Variants in GLIS3 observed in about 807,000 individuals in gnomAD.
GLIS3 encodes the protein zinc finger protein GLIS3.
In GLIS3, 53 loss-of-function variants were observed where a neutral mutation model predicts 78.6. The observed-to-expected ratio is 0.67, with a 90% confidence interval of 0.54 to 0.85. The LOEUF is 0.85. Ranked by LOEUF, GLIS3 falls within the 40% of genes least tolerant of loss-of-function variation. The probability of loss-of-function intolerance (pLI) is 0.00; values close to 1 mark genes in which losing one functional copy is unlikely to be tolerated. For missense variants in GLIS3, 1,703 were observed against 1,231.1 expected, an observed-to-expected ratio of 1.38 and a Z score of -5.74; for synonymous variants, 684 against 509.9, an observed-to-expected ratio of 1.34 and a Z score of -4.60.
chr9:4,182,624 T>G (rs1817432105), intron 2 of GLIS3, among the ~76,000 whole-genome samples: 1 of 152,206 alleles, frequency 6.6e-6, no homozygotes, highest in Non-Finnish European at 1.5e-5. Context: ...TCAATCGCAC[T>G]CACTCTTCAT....
At chr9:4,236,613 T>A (rs1372425496) in intron 2 of GLIS3, among the ~76,000 whole-genome samples, 1 of 152,172 alleles carries the variant, frequency 6.6e-6, no homozygotes, top group Non-Finnish European at 1.5e-5. Flanking sequence ...CAGTCTAATT[T>A]CCACCACATG....
chr9:4,008,173 T>C (rs1821712832), intron 4 of GLIS3, among the ~76,000 whole-genome samples: 1 of 152,222 alleles, frequency 6.6e-6, no homozygotes, highest in African/African-American at 2.4e-5. Flanking sequence ...GCCTAGTTTT[T>C]ACACAGCTCA....
At chr9:4,121,738 T>C (rs368433509) in intron 3 of GLIS3, among the ~76,000 whole-genome samples, 17 of 152,266 alleles carry the variant, frequency 1.1e-4, no homozygotes, top group African/African-American at 3.6e-4. Context: ...ACATTCTCTA[T>C]TGTTTTCTTT....
chr9:3,943,126 G>A (rs1306307314), intron 4 of GLIS3, among the ~76,000 whole-genome samples: 2 of 152,160 alleles, frequency 1.3e-5, no homozygotes, highest in Non-Finnish European at 2.9e-5. Context: ...TTGGACATAC[G>A]GGTCACCTCA....
chr9:4,262,107 T>C (rs530571222), intron 2 of GLIS3, among the ~76,000 whole-genome samples: 2 of 152,236 alleles, frequency 1.3e-5, no homozygotes, highest in African/African-American at 4.8e-5. Context: ...CTTAACCATG[T>C]GTCTGAACTA....
intron 2 of GLIS3, among the ~76,000 whole-genome samples, chr9:4,131,043 T>G (rs1215870764): frequency 6.6e-6 from 1 of 152,196 alleles, no homozygotes; most frequent in Non-Finnish European, 1.5e-5. Context: ...TTGGGAGCTT[T>G]AAGATTTAAT....
chr9:4,002,160 A>C (rs560910963), intron 4 of GLIS3, among the ~76,000 whole-genome samples: 2 of 152,340 alleles, frequency 1.3e-5, no homozygotes, highest in South Asian at 4.1e-4. Flanking sequence ...ATCATTGAGT[A>C]GTAGGAGATG....
intron 2 of GLIS3, chr9:4,285,794 A>T (rs1004195975): frequency 1.9e-6 from 1 of 534,562 alleles, no homozygotes; most frequent in Non-Finnish European, 3.4e-6. Context: ...TTATCTTTCT[A>T]TCTTACTGTT....
chr9:4,003,118 G>C (rs1821252200), intron 4 of GLIS3, among the ~76,000 whole-genome samples: 1 of 152,128 alleles, frequency 6.6e-6, no homozygotes, highest in South Asian at 2.1e-4. Context: ...AGTGGCTCAT[G>C]CCTGTAATCC....
chr9:4,087,963 A>T (rs1263862167), intron 4 of GLIS3, among the ~76,000 whole-genome samples: 1 of 152,158 alleles, frequency 6.6e-6, no homozygotes, highest in African/African-American at 2.4e-5. Context: ...GCCCCCAATG[A>T]ACTTTAGACT....
chr9:3,953,162 C>G (rs993874297), intron 4 of GLIS3, among the ~76,000 whole-genome samples: 1 of 151,932 alleles, frequency 6.6e-6, no homozygotes, highest in Non-Finnish European at 1.5e-5. Flanking sequence ...CTTTAGTACC[C>G]CAATGAAAGA....
chr9:3,824,371 G>A lies in GLIS3; in HGVS notation c.*3901C>T, dbSNP rs1817613911. The A allele has an allele frequency of 6.6e-6, 1 of 152,484 alleles. No homozygotes were observed. Among genetic ancestry groups the A allele is most frequent in the Non-Finnish European group, 1.5e-5 (1 of 68,026 alleles). The allele number at this position is 152,484 out of a possible 1,614,324, so 9.4% of individuals were successfully genotyped here. The stretch of plus-strand genomic sequence containing the variant: ...TAATTACCATTCCCAGTATGTAAGA[G>A]GCTGATGGTAAAACAAAACAAAAAA... On this transcript the variant is annotated 3_prime_UTR_variant, in exon 11 of 11. Coordinates refer to ENST00000381971, the MANE Select transcript of GLIS3 (RefSeq NM_001042413.2).
Position 3,829,455 on chromosome 9 carries a change from G to T in GLIS3, c.2511C>A (p.His837Gln), listed in dbSNP as rs1230780859. Reference protein sequence around the residue: ...YGQLQKFCPPHYPDSQRIVPP... With the variant: ...YGQLQKFCPPQYPDSQRIVPP... The stretch of plus-strand genomic sequence containing the variant: ...GCACAATTCTCTGGGAATCGGGGTA[G>T]TGTGGGGGACAGAACTTCTGCAGCT... The change falls in exon 10 of 11, where the codon CAC (histidine) becomes CAA (glutamine). Residue 837 changes from histidine (H) to glutamine (Q), a missense_variant. Coordinates refer to ENST00000381971, the MANE Select transcript of GLIS3 (RefSeq NM_001042413.2). 3 of 1,614,164 alleles carry T rather than the reference G, an allele frequency of 1.9e-6. No individual in the cohort carries two copies. The highest frequency in any genetic ancestry group is 1.3e-5 in the African/African-American group (1 of 75,050).
intron 3 of GLIS3, among the ~76,000 whole-genome samples, chr9:4,125,521 G>A (rs1272013810): frequency 6.6e-6 from 1 of 152,018 alleles, no homozygotes; most frequent in Non-Finnish European, 1.5e-5. Flanking sequence ...CAAGACAGTA[G>A]GTATTAAAGC....
rs771779971 is a variant in GLIS3, at chr9:3,879,590, T to C, written c.2134A>G (p.Ile712Val). Residue 712 changes from isoleucine to valine, a missense_variant, in exon 8 of 11, where the codon ATT becomes GTT. Coordinates refer to ENST00000381971, the MANE Select transcript of GLIS3 (RefSeq NM_001042413.2). ...GPGPDLYSAP[I>V]FSSNYSSRSG... The stretch of plus-strand genomic sequence containing the variant: ...CGGCTTGAATAATTGCTGGAGAAAA[T>C]GGGAGCTGAAATCAAGGGAGAACAA... 6 of 1,613,560 alleles carry C rather than the reference T, an allele frequency of 3.7e-6. No homozygotes were observed. The highest frequency in any genetic ancestry group is 3.3e-5 in the South Asian group (3 of 91,050).
At chr9:4,183,799 G>A (rs140068670) in intron 2 of GLIS3, among the ~76,000 whole-genome samples, 1 of 152,298 alleles carries the variant, frequency 6.6e-6, no homozygotes, top group East Asian at 1.9e-4. Flanking sequence ...GATTCTGAAT[G>A]TTTATTTGAT....
intron 2 of GLIS3, among the ~76,000 whole-genome samples, chr9:4,136,087 A>G (rs1038344539): frequency 3.9e-5 from 6 of 152,210 alleles, no homozygotes; most frequent in Non-Finnish European, 5.9e-5. Context: ...GGGCAAAGCA[A>G]TCGAATTTGG....
At chr9:4,318,381 T>C (rs1328263397) in intron 2 of GLIS3, among the ~76,000 whole-genome samples, 2 of 152,058 alleles carry the variant, frequency 1.3e-5, no homozygotes, top group Non-Finnish European at 2.9e-5. Flanking sequence ...AATACATCCC[T>C]CACTAAAAGG....
chr9:4,076,278 C>T (rs757378436), intron 4 of GLIS3, among the ~76,000 whole-genome samples: 2 of 152,000 alleles, frequency 1.3e-5, no homozygotes, highest in African/African-American at 2.4e-5. Flanking sequence ...ATAAATTTAC[C>T]ACGGAGTAAC....
Sources: gnomAD v4.1 joint callset for allele counts (sites outside exome capture counted in the v4.1 genomes callset) on GRCh38, gnomAD v4.1.1 for gene constraint, MANE v1.5 for transcripts, NCBI Gene and HGNC (gene_info 2026-07-23, HGNC 2026-07-21) for gene names.